SLC24A2: variants seen among roughly 807,000 people sequenced by gnomAD.
SLC24A2 encodes the protein solute carrier family 24 member 2, also known as sodium/potassium/calcium exchanger 2.
Under a neutral mutation model 62.0 loss-of-function variants are expected in SLC24A2, and 36 were observed. That is an observed-to-expected ratio of 0.58 (90% CI 0.44 to 0.77). SLC24A2 has a LOEUF of 0.77. Among genes scored for constraint, SLC24A2 ranks in the 30% least tolerant of loss-of-function variants. The pLI is 0.00. For synonymous variants in SLC24A2, 358 were observed against 294.0 expected (o/e 1.22, Z -2.23); for missense variants, 846 against 817.9 (o/e 1.03, Z -0.42).
intron 2 of SLC24A2, among the ~76,000 whole-genome samples, chr9:19,783,137 T>A (rs1476836383): frequency 2.6e-5 from 4 of 152,178 alleles, no homozygotes; most frequent in Admixed American, 2.6e-4. Context: ...TCATCAACAA[T>A]GGAACCAAAT....
chr9:20,283,826 C>A, the SLC24A2 span, among the ~76,000 whole-genome samples: 4 of 152,006 alleles, frequency 2.6e-5, no homozygotes, highest in African/African-American at 9.7e-5. Flanking sequence ...GTAGGATTCC[C>A]GCATGCGCAA....
At chr9:19,663,596 G>T (rs1693286618) in intron 2 of SLC24A2, among the ~76,000 whole-genome samples, 1 of 152,148 alleles carries the variant, frequency 6.6e-6, no homozygotes, top group South Asian at 2.1e-4. Flanking sequence ...CCTGCAGGGG[G>T]TCAGGCTGTC....
At chr9:19,754,383 G>A (rs1822072346) in intron 2 of SLC24A2, among the ~76,000 whole-genome samples, 1 of 152,188 alleles carries the variant, frequency 6.6e-6, no homozygotes, top group African/African-American at 2.4e-5. Context: ...TTCTCACTGT[G>A]TGAACTTAAG....
At chr9:20,020,793 C>T in the SLC24A2 span, among the ~76,000 whole-genome samples, 1 of 152,174 alleles carries the variant, frequency 6.6e-6, no homozygotes, top group Admixed American at 6.5e-5. Flanking sequence ...TTTTCCTCTA[C>T]ATCACTAAGT....
the SLC24A2 span, among the ~76,000 whole-genome samples, chr9:19,799,980 C>G: frequency 3.3e-4 from 50 of 152,188 alleles, no homozygotes; most frequent in African/African-American, 1.1e-3. Context: ...CTCTTTCTAG[C>G]TTCGGCGGCT....
the SLC24A2 span, among the ~76,000 whole-genome samples, chr9:19,807,866 TTTTG>T: frequency 2.0e-4 from 31 of 152,288 alleles, no homozygotes; most frequent in African/African-American, 2.6e-4. Flanking sequence ...CCCACTCGTT[TTTTG>T]TTTGTTTGTT....
At chr9:19,908,371 C>G in the SLC24A2 span, among the ~76,000 whole-genome samples, 6 of 152,038 alleles carry the variant, frequency 3.9e-5, no homozygotes, top group African/African-American at 1.4e-4. Flanking sequence ...AGACCTAAAA[C>G]CATAAAAACC....
intron 2 of SLC24A2, among the ~76,000 whole-genome samples, chr9:19,648,969 C>T (rs566066014): frequency 1.7e-5 from 2 of 116,400 alleles, no homozygotes; most frequent in South Asian, 3.0e-4. Flanking sequence ...AATGAGAGGG[C>T]TTAGTGAATT....
At chr9:19,885,015 G>C in the SLC24A2 span, among the ~76,000 whole-genome samples, 3 of 152,186 alleles carry the variant, frequency 2.0e-5, no homozygotes, top group Admixed American at 2.0e-4. Flanking sequence ...GGCCATACAG[G>C]AGGACTAGAA....
the SLC24A2 span, among the ~76,000 whole-genome samples, chr9:20,078,309 C>A: frequency 1.3e-5 from 2 of 151,440 alleles, no homozygotes; most frequent in Admixed American, 1.3e-4. Context: ...TCCCCACTTC[C>A]CCACCCCCAC....
the SLC24A2 span, among the ~76,000 whole-genome samples, chr9:20,120,871 G>A: frequency 1.7e-3 from 265 of 151,874 alleles, 1 homozygote; most frequent in Non-Finnish European, 2.8e-3. Context: ...ATCCATTTAT[G>A]AAAAATAATA....
chr9:19,531,597 T>C (rs554192248), intron 8 of SLC24A2, among the ~76,000 whole-genome samples: 1 of 152,178 alleles, frequency 6.6e-6, no homozygotes, highest in Non-Finnish European at 1.5e-5. Context: ...ATTAGCTGGT[T>C]GTACAAATTA....
chr9:20,124,270 C>T, the SLC24A2 span, among the ~76,000 whole-genome samples: 1 of 150,946 alleles, frequency 6.6e-6, no homozygotes, highest in South Asian at 2.1e-4. Context: ...GGGAGAAGGG[C>T]TTCACACTAG....
rs1282138295 is a variant in SLC24A2, at chr9:19,566,508, T to C, written c.1347+6843A>G. Among the ~76,000 whole-genome samples the C allele has an allele frequency of 4.0e-5, 6 of 151,448 alleles. No individual in the cohort carries two copies. In the East Asian group the frequency reaches 7.7e-4, roughly 20 times the overall value. On this transcript the variant is annotated intron_variant, in intron 7 of 10. Transcript: ENST00000341998. ...GAGAAATAGGAACACTTTTACACTG[T>C]TGGTGGGACTGTAAACTAGTTCAAC... is the stretch of plus-strand genomic sequence containing the variant.
intron 7 of SLC24A2, among the ~76,000 whole-genome samples, chr9:19,556,139 C>T (rs1382002834): frequency 6.6e-6 from 1 of 152,124 alleles, no homozygotes; most frequent in African/African-American, 2.4e-5. Flanking sequence ...AATCAGCTTG[C>T]CTTTATTTTT....
the SLC24A2 span, among the ~76,000 whole-genome samples, chr9:20,287,851 G>C: frequency 2.0e-5 from 3 of 152,092 alleles, no homozygotes; most frequent in Non-Finnish European, 2.9e-5. Context: ...CTTAGTCCAG[G>C]TCAAACTCCC....
the SLC24A2 span, among the ~76,000 whole-genome samples, chr9:19,906,203 T>G: frequency 6.6e-6 from 1 of 152,088 alleles, no homozygotes; most frequent in Non-Finnish European, 1.5e-5. Flanking sequence ...ACATGGAAAC[T>G]GAACAACCTG....
chr9:19,879,278 C>T, the SLC24A2 span, among the ~76,000 whole-genome samples: 7 of 152,044 alleles, frequency 4.6e-5, no homozygotes, highest in Non-Finnish European at 7.3e-5. Flanking sequence ...GCAGCAACCC[C>T]GAGAGGAGAC....
At chr9:20,243,617 C>T in the SLC24A2 span, among the ~76,000 whole-genome samples, 2 of 152,158 alleles carry the variant, frequency 1.3e-5, no homozygotes, top group Admixed American at 1.3e-4. Flanking sequence ...CACACATTTG[C>T]TCTCAATTTT....
Sources: allele counts gnomAD v4.1 joint callset (sites outside exome capture counted in the v4.1 genomes callset), GRCh38; gene constraint gnomAD v4.1.1; transcripts MANE v1.5; gene names NCBI Gene and HGNC (gene_info 2026-07-23, HGNC 2026-07-21).